The following SLIT3 variants were observed in gnomAD, a reference collection of about 807,000 sequenced individuals.
SLIT3 encodes slit homolog 3 protein.
In SLIT3, 68 loss-of-function variants were observed where a neutral mutation model predicts 184.0. That is an observed-to-expected ratio of 0.37 (90% CI 0.30 to 0.45). SLIT3 has a LOEUF of 0.45. Ranked by LOEUF, SLIT3 falls within the 20% of genes least tolerant of loss-of-function variation. The pLI is 1.00. For synonymous variants in SLIT3, 831 were observed against 828.6 expected, an observed-to-expected ratio of 1.00 and a Z score of -0.05; for missense variants, 1,707 against 2,026.0, an observed-to-expected ratio of 0.84 and a Z score of 3.02.
At chr5:168,722,079 G>A (rs1460226057) in intron 23 of SLIT3, among the ~76,000 whole-genome samples, 177 bp downstream of exon 23, 1 of 151,402 alleles carries the variant, frequency 6.6e-6, no homozygotes, top group African/African-American at 2.4e-5. Context: ...CCTGGGAATG[G>A]CAGACTCTCA....
chr5:169,133,531 G>C (rs1761382625), intron 4 of SLIT3, among the ~76,000 whole-genome samples: 1 of 152,212 alleles, frequency 6.6e-6, no homozygotes, highest in South Asian at 2.1e-4. Flanking sequence ...ATCAAAGGAT[G>C]CTCAAGGTTG....
intron 8 of SLIT3, among the ~76,000 whole-genome samples, chr5:168,810,080 C>T (rs193136261): frequency 1.8e-4 from 27 of 152,296 alleles, no homozygotes; most frequent in African/African-American, 5.3e-4. Context: ...TCAGCAAATC[C>T]ACCCCTTCCA....
At chr5:168,907,271 G>A (rs1761082619) in intron 4 of SLIT3, among the ~76,000 whole-genome samples, 1 of 152,114 alleles carries the variant, frequency 6.6e-6, no homozygotes, top group Non-Finnish European at 1.5e-5. Context: ...CACAGCTTTG[G>A]GTCAGCTTGG....
intron 5 of SLIT3, among the ~76,000 whole-genome samples, chr5:168,859,384 A>G (rs892217057): frequency 6.6e-5 from 10 of 152,104 alleles, no homozygotes; most frequent in Non-Finnish European, 1.0e-4. Flanking sequence ...TGTAATTAAA[A>G]CCAGCACCAT....
intron 4 of SLIT3, among the ~76,000 whole-genome samples, chr5:169,114,245 T>A (rs913660979): frequency 6.6e-6 from 1 of 152,142 alleles, no homozygotes; most frequent in African/African-American, 2.4e-5. Flanking sequence ...GGCAAGAAGG[T>A]CCCGGATGCC....
intron 3 of SLIT3, among the ~76,000 whole-genome samples, chr5:169,232,937 T>A (rs1765058013): frequency 1.3e-5 from 2 of 152,238 alleles, no homozygotes; most frequent in South Asian, 2.1e-4. Context: ...ATTTGACTCA[T>A]CTTTAATTTC....
intron 22 of SLIT3, 136 bp from the exon 23 acceptor site, chr5:168,722,463 G>T: frequency 1.4e-6 from 1 of 737,958 alleles, no homozygotes; most frequent in Non-Finnish European, 2.3e-6. Context: ...CCCCTAAAGG[G>T]ACAAGAAACC....
chr5:169,167,143 C>G (rs1439244093), intron 4 of SLIT3, among the ~76,000 whole-genome samples: 1 of 151,836 alleles, frequency 6.6e-6, no homozygotes, highest in Non-Finnish European at 1.5e-5. Flanking sequence ...GCACTCCAGC[C>G]TGGGCAACAG....
intron 5 of SLIT3, among the ~76,000 whole-genome samples, chr5:168,850,721 T>C (rs1758637713): frequency 6.6e-6 from 1 of 152,218 alleles, no homozygotes; most frequent in Non-Finnish European, 1.5e-5. Flanking sequence ...GCCACATAGC[T>C]AGCATAACAC....
At chr5:169,019,599 T>G (rs575712380) in intron 4 of SLIT3, among the ~76,000 whole-genome samples, 1 of 152,324 alleles carries the variant, frequency 6.6e-6, no homozygotes, top group East Asian at 1.9e-4. Flanking sequence ...AACTGATGGC[T>G]TGGCAGCAAT....
At chr5:169,262,854 A>G (rs1014134264) in intron 1 of SLIT3, among the ~76,000 whole-genome samples, 1 of 152,214 alleles carries the variant, frequency 6.6e-6, no homozygotes, top group African/African-American at 2.4e-5. Flanking sequence ...AAGCCCTCAA[A>G]GTCCTGCGTC....
At chr5:168,823,384 C>T in intron 6 of SLIT3, 53 bp from the exon 7 acceptor site, 1 of 1,336,710 alleles carries the variant, frequency 7.5e-7, no homozygotes, top group Non-Finnish European at 1.1e-6. Flanking sequence ...GGGGAGGCAC[C>T]AAGATGCTTG....
At chr5:169,030,190 CCTGACGACTTT>C (rs765923799) in intron 4 of SLIT3, among the ~76,000 whole-genome samples, 4 of 152,202 alleles carry the variant, frequency 2.6e-5, no homozygotes, top group Non-Finnish European at 4.4e-5. Context: ...GGCAGCCTTC[CCTGACGACTTT>C]CTGACTGCCC....
At chr5:168,713,653 AT>A (rs1356497214) in intron 23 of SLIT3, among the ~76,000 whole-genome samples, 4 of 152,128 alleles carry the variant, frequency 2.6e-5, no homozygotes, top group Non-Finnish European at 4.4e-5. Context: ...TAACGAATGA[AT>A]TTGCTCTTCT....
intron 32 of SLIT3, among the ~76,000 whole-genome samples, chr5:168,678,154 C>A (rs1737237468): frequency 6.6e-6 from 1 of 152,196 alleles, no homozygotes; most frequent in Non-Finnish European, 1.5e-5. Flanking sequence ...CCGGTAGGTG[C>A]TCATGGGTTA....
intron 23 of SLIT3, 109 bp from the exon 24 acceptor site, chr5:168,712,463 C>A: frequency 1.1e-6 from 1 of 890,246 alleles, no homozygotes; most frequent in Non-Finnish European, 1.9e-6. Flanking sequence ...TGCTCAGAGC[C>A]CCACTGCTCC....
intron 5 of SLIT3, among the ~76,000 whole-genome samples, chr5:168,845,295 C>A (rs145952874): frequency 4.6e-5 from 7 of 152,262 alleles, no homozygotes; most frequent in African/African-American, 1.7e-4. Flanking sequence ...CGGGGCCCAT[C>A]TGGTAGGTCA....
At chr5:169,070,566 G>C (rs745797561) in intron 4 of SLIT3, among the ~76,000 whole-genome samples, 1 of 152,096 alleles carries the variant, frequency 6.6e-6, no homozygotes, top group Non-Finnish European at 1.5e-5. Context: ...TTGAACTTTT[G>C]TCAGCGTGTT....
At chr5:168,840,923 C>T (rs752924253) in intron 6 of SLIT3, among the ~76,000 whole-genome samples, 12 of 152,198 alleles carry the variant, frequency 7.9e-5, no homozygotes, top group African/African-American at 2.2e-4. Context: ...AAAAGCAGGA[C>T]GAGTTCCTTA....
Sources: allele counts gnomAD v4.1 joint callset (sites outside exome capture counted in the v4.1 genomes callset), GRCh38; gene constraint gnomAD v4.1.1; transcripts MANE v1.5; gene names NCBI Gene and HGNC (gene_info 2026-07-23, HGNC 2026-07-21).